The following SERPINE2 variants were observed in gnomAD, a reference collection of about 807,000 sequenced individuals.
The protein encoded by SERPINE2 is serpin family E member 2, also known as glia-derived nexin.
In SERPINE2, 14 loss-of-function variants were observed where a neutral mutation model predicts 36.3. The observed-to-expected ratio is 0.39, with a 90% CI of 0.25 to 0.60. SERPINE2 has a LOEUF of 0.60. Among genes scored for constraint, SERPINE2 ranks in the 20% least tolerant of loss-of-function variants. The probability of loss-of-function intolerance (pLI) is 0.57; values close to 1 mark genes in which losing one functional copy is unlikely to be tolerated. For missense variants in SERPINE2, 418 were observed against 499.6 expected (o/e 0.84, Z 1.56); for synonymous variants, 192 against 191.8 (o/e 1.00, Z -0.01).
chr2:224,012,240 T>C (rs1000649732), intron 1 of SERPINE2, among the ~76,000 whole-genome samples: 11 of 152,178 alleles, frequency 7.2e-5, no homozygotes, highest in Admixed American at 5.9e-4. Context: ...ACTTGCACTT[T>C]ATGCTTGGCT....
chr2:224,036,395 A>G (rs1048146958), intron 1 of SERPINE2, among the ~76,000 whole-genome samples: 3 of 150,968 alleles, frequency 2.0e-5, no homozygotes, highest in Non-Finnish European at 4.4e-5. Flanking sequence ...TGCCACGGAG[A>G]AACCTAGTGG....
At chr2:224,038,668 T>C in intron 1 of SERPINE2, 2 of 686,386 alleles carry the variant, frequency 2.9e-6, no homozygotes, top group Non-Finnish European at 5.2e-6. Flanking sequence ...TCTCTCCCCA[T>C]CCGGCGGCGC....
chr2:223,995,583 G>A (rs1429523347), intron 3 of SERPINE2, among the ~76,000 whole-genome samples: 4 of 152,170 alleles, frequency 2.6e-5, no homozygotes, highest in Admixed American at 6.5e-5. Flanking sequence ...GTTCTTTTTC[G>A]TGTGTAAACA....
chr2:224,027,594 G>A (rs538262407), intron 1 of SERPINE2, among the ~76,000 whole-genome samples: 1 of 152,246 alleles, frequency 6.6e-6, no homozygotes, highest in Admixed American at 6.5e-5. Flanking sequence ...GTCTGGTGGA[G>A]GAATATTTTA....
chr2:223,980,585 T>A, intron 6 of SERPINE2, 188 bp from the exon 7 acceptor site: 2 of 568,014 alleles, frequency 3.5e-6, no homozygotes, highest in Non-Finnish European at 6.3e-6. Flanking sequence ...CAGTCCCTGC[T>A]AAGTGAACTG....
Position 223,983,734 on chromosome 2 carries a change from ATATGTGTG to A in SERPINE2, c.885-961_885-954del, listed in dbSNP as rs1315410332. Among the ~76,000 whole-genome samples, 75 of 77,256 alleles carry A rather than the reference ATATGTGTG, an allele frequency of 9.7e-4. 1 individual carries two copies. Among genetic ancestry groups the A allele is most frequent in the Non-Finnish European group, 3.5e-4 (15 of 42,456 alleles). 50.7% of individuals were successfully genotyped at this position (77,256 alleles called of 152,430 possible). On this transcript the variant is annotated intron_variant, in intron 5 of 8. Coordinates refer to ENST00000409304, the MANE Select transcript of SERPINE2 (RefSeq NM_001136528.2). The stretch of plus-strand genomic sequence containing the variant: ...CACACACACGTATATATATGTGTGT[ATATGTGTG>A]TGTGTGTGTGTGTGTGTGTGTGTAA...
At chr2:224,027,924 T>C (rs1053679223) in intron 1 of SERPINE2, among the ~76,000 whole-genome samples, 2 of 152,192 alleles carry the variant, frequency 1.3e-5, no homozygotes, top group African/African-American at 4.8e-5. Context: ...GTGGGGTGTA[T>C]ACATTAAGAA....
chr2:223,982,602 A>T, intron 6 of SERPINE2, 79 bp downstream of exon 6: 1 of 848,640 alleles, frequency 1.2e-6, no homozygotes, highest in East Asian at 2.7e-5. Flanking sequence ...CCTAATTCTG[A>T]TCCTTTTTCT....
At chr2:223,996,195 C>T (rs143007872) in intron 3 of SERPINE2, among the ~76,000 whole-genome samples, 6 of 152,224 alleles carry the variant, frequency 3.9e-5, no homozygotes, top group African/African-American at 7.2e-5. Flanking sequence ...TTTAATATTG[C>T]CATTCTACAG....
chr2:224,001,951 A>T (rs781456746), intron 1 of SERPINE2, 29 bp from the exon 2 acceptor site: 27 of 1,564,688 alleles, frequency 1.7e-5, no homozygotes. Flanking sequence ...AAATATTTAA[A>T]TTATACTTAA....
At chr2:224,000,291 G>A (rs1012230432) in intron 2 of SERPINE2, among the ~76,000 whole-genome samples, 1 of 152,160 alleles carries the variant, frequency 6.6e-6, no homozygotes, top group African/African-American at 2.4e-5. Flanking sequence ...CAGGAAGAGG[G>A]GGGGAGCCAG....
At chr2:224,005,065 T>TATATATATATATATATA (rs1553547020) in intron 1 of SERPINE2, among the ~76,000 whole-genome samples, 30 of 33,542 alleles carry the variant, frequency 8.9e-4, no homozygotes, top group Admixed American at 1.8e-3. Flanking sequence ...TTTATATATA[T>TATATATATATATATATA]TATATATATA....
chr2:224,015,741 A>G (rs936918856), intron 1 of SERPINE2, among the ~76,000 whole-genome samples: 27 of 152,240 alleles, frequency 1.8e-4, no homozygotes, highest in South Asian at 2.1e-4. Context: ...CTAAGTTGAC[A>G]TTAAAAGCCT....
intron 1 of SERPINE2, among the ~76,000 whole-genome samples, chr2:224,037,801 T>C (rs6749545): frequency 8.5e-5 from 13 of 152,222 alleles, no homozygotes; most frequent in African/African-American, 3.1e-4. Flanking sequence ...ATTTTCTGCA[T>C]AGATTCATTT....
At chr2:223,982,813 T>A in intron 5 of SERPINE2, 32 bp from the exon 6 acceptor site, 1 of 1,510,496 alleles carries the variant, frequency 6.6e-7, no homozygotes, top group Non-Finnish European at 9.1e-7. Context: ...AGAAAAAAAA[T>A]CACGAGGCTA....
intron 1 of SERPINE2, among the ~76,000 whole-genome samples, chr2:224,008,926 C>T (rs989752509): frequency 6.6e-6 from 1 of 152,154 alleles, no homozygotes; most frequent in Non-Finnish European, 1.5e-5. Flanking sequence ...TTATGAAAGA[C>T]CAGCTGCTGA....
intron 3 of SERPINE2, among the ~76,000 whole-genome samples, chr2:223,995,554 T>C (rs1166959103): frequency 6.6e-6 from 1 of 152,230 alleles, no homozygotes; most frequent in East Asian, 1.9e-4. Context: ...TACTTATAAT[T>C]ATCTGAGCCC....
At chr2:224,005,917 TG>T (rs1298242326) in intron 1 of SERPINE2, among the ~76,000 whole-genome samples, 4 of 152,188 alleles carry the variant, frequency 2.6e-5, no homozygotes, top group African/African-American at 9.7e-5. Flanking sequence ...TCCTTCCAAA[TG>T]CCAGGTATCT....
chr2:224,007,609 C>T (rs958053323), intron 1 of SERPINE2, among the ~76,000 whole-genome samples: 1 of 152,146 alleles, frequency 6.6e-6, no homozygotes, highest in African/African-American at 2.4e-5. Context: ...CAAAATAACT[C>T]CTTAACATGT....
Sources: allele counts gnomAD v4.1 joint callset (sites outside exome capture counted in the v4.1 genomes callset), GRCh38; gene constraint gnomAD v4.1.1; transcripts MANE v1.5; gene names NCBI Gene and HGNC (gene_info 2026-07-23, HGNC 2026-07-21).